The following PDS5B variants were observed in gnomAD, a reference collection of about 807,000 sequenced individuals.
PDS5B encodes sister chromatid cohesion protein PDS5 homolog B.
A neutral mutation model predicts 184.1 loss-of-function variants in PDS5B; 51 were observed. The ratio of observed to expected loss-of-function variants is 0.28; its 90% CI spans 0.22 to 0.35. PDS5B has a LOEUF of 0.35. Among genes scored for constraint, PDS5B ranks in the 10% least tolerant of loss-of-function variants. The probability of loss-of-function intolerance (pLI) is 1.00; values close to 1 mark genes in which losing one functional copy is unlikely to be tolerated. For synonymous variants in PDS5B, 566 were observed against 569.2 expected (o/e 0.99, Z 0.08); for missense variants, 1,180 against 1,723.3 (o/e 0.68, Z 5.58).
intron 3 of PDS5B, among the ~76,000 whole-genome samples, chr13:32,655,374 A>ATATATATATATATATATATATATATATTT: frequency 1.4e-5 from 1 of 72,466 alleles, no homozygotes; most frequent in African/African-American, 8.3e-5. Context: ...ATATATATAT[A>ATATATATATATATATATATATATATATTT]TTTTTTTTTT....
intron 1 of PDS5B, among the ~76,000 whole-genome samples, chr13:32,627,506 AT>A (rs1304843306): frequency 6.6e-6 from 1 of 152,000 alleles, no homozygotes; most frequent in African/African-American, 2.4e-5. Context: ...AAGTTTTTAA[AT>A]TTTTTTATGT....
At chr13:32,706,307 T>TAAAG (rs1162562764) in intron 17 of PDS5B, among the ~76,000 whole-genome samples, 2 of 149,492 alleles carry the variant, frequency 1.3e-5, no homozygotes, top group Non-Finnish European at 1.5e-5. Flanking sequence ...AATAAATAAA[T>TAAAG]AAATAAATAA....
chr13:32,746,172 A>G, intron 24 of PDS5B, 72 bp downstream of exon 24: 2 of 1,263,948 alleles, frequency 1.6e-6, no homozygotes, highest in Non-Finnish European at 2.2e-6. Context: ...ATCCACTGTG[A>G]TACATAGATT....
At chr13:32,757,249 T>G (rs949678643) in intron 26 of PDS5B, among the ~76,000 whole-genome samples, 1 of 152,202 alleles carries the variant, frequency 6.6e-6, no homozygotes, top group Non-Finnish European at 1.5e-5. Flanking sequence ...AAATAAAACA[T>G]CCTTTGGAAT....
chr13:32,623,354 G>A (rs2058327586), intron 1 of PDS5B, among the ~76,000 whole-genome samples: 1 of 152,148 alleles, frequency 6.6e-6, no homozygotes, highest in African/African-American at 2.4e-5. Flanking sequence ...ACTGGTTACT[G>A]TTTATCCTTA....
intron 1 of PDS5B, among the ~76,000 whole-genome samples, chr13:32,604,952 AT>A (rs1200798370): frequency 6.6e-6 from 1 of 151,122 alleles, no homozygotes; most frequent in Non-Finnish European, 1.5e-5. Flanking sequence ...CATCTATTTG[AT>A]TCTTCTCTCT....
In PDS5B at chr13:32,773,436, A is replaced by G. The variant is rs1013142763; in HGVS notation, c.4308+112A>G. On this transcript the variant is annotated intron_variant, in intron 34 of 34. Transcript: ENST00000315596. ...TTTATATGTTTTACTTCATTAGTTC[A>G]TAGCATCATTTTATCTACCAGGTTG... 43 of 933,876 alleles carry G rather than the reference A, an allele frequency of 4.6e-5. 1 individual carries two copies. In the South Asian group the frequency reaches 6.2e-4, roughly 14 times the overall value. 57.8% of individuals were successfully genotyped at this position (933,876 alleles called of 1,614,324 possible).
chr13:32,620,573 C>T (rs939159474), intron 1 of PDS5B, among the ~76,000 whole-genome samples: 2 of 150,328 alleles, frequency 1.3e-5, no homozygotes, highest in Admixed American at 6.7e-5. Context: ...GGGAGAATGG[C>T]GTGAACCCAG....
chr13:32,616,362 T>A (rs1431324620), intron 1 of PDS5B, among the ~76,000 whole-genome samples: 1 of 151,818 alleles, frequency 6.6e-6, no homozygotes, highest in Non-Finnish European at 1.5e-5. Context: ...GCCCCTCCCG[T>A]CTCTTTAAAA....
chr13:32,770,739 C>T lies in PDS5B; in HGVS notation c.4150C>T (p.Pro1384Ser), dbSNP rs761488170. 5.0e-6 allele frequency: 8 copies of T among 1,606,688 alleles called. No homozygotes were observed. The East Asian group carries it at 1.8e-4, about 37-fold the overall frequency. The change falls in exon 33 of 35, where the codon CCA becomes TCA. Residue 1384 changes from proline (P) to serine (S), a missense_variant. Pro to Ser is a moderately conservative substitution (Grantham distance 74). Coordinates refer to ENST00000315596, the MANE Select transcript of PDS5B (RefSeq NM_015032.4). ...GRGRPSKTPSPSQPKKNVRVG... is the reference protein window; with the variant it reads ...GRGRPSKTPSSSQPKKNVRVG... ...AGGAAGACCATCAAAAACGCCATCA[C>T]CATCACAACCAAAAAAAAATGTGTA...
At chr13:32,733,985 A>AAAACACAC (rs1555312861) in intron 20 of PDS5B, among the ~76,000 whole-genome samples, 1 of 141,972 alleles carries the variant, frequency 7.0e-6, no homozygotes, top group African/African-American at 2.8e-5. Context: ...CAAAAATTAA[A>AAAACACAC]ACACACACAC....
At chr13:32,721,343 C>T (rs192427914) in intron 19 of PDS5B, among the ~76,000 whole-genome samples, 3,288 of 150,142 alleles carry the variant, frequency 0.022, 88 homozygotes, top group African/African-American at 0.07. Context: ...GGCTGCCGGG[C>T]GAGGGCTCCC....
intron 1 of PDS5B, among the ~76,000 whole-genome samples, chr13:32,604,503 A>C (rs1340655000): frequency 6.6e-6 from 1 of 152,200 alleles, no homozygotes; most frequent in Non-Finnish European, 1.5e-5. Context: ...TTTTGCATCG[A>C]TGTTCATCAG....
intron 1 of PDS5B, among the ~76,000 whole-genome samples, chr13:32,593,205 A>C (rs1235066784): frequency 6.6e-6 from 1 of 152,216 alleles, no homozygotes; most frequent in Non-Finnish European, 1.5e-5. Flanking sequence ...GCTAGATAGG[A>C]AGAATAAGTT....
chr13:32,685,006 G>A (rs74939387), intron 11 of PDS5B, among the ~76,000 whole-genome samples: 10 of 152,146 alleles, frequency 6.6e-5, no homozygotes, highest in Non-Finnish European at 1.2e-4. Context: ...CCAGCTACTC[G>A]GGAGGCTGAG....
intron 18 of PDS5B, among the ~76,000 whole-genome samples, chr13:32,709,008 A>ACC: frequency 6.6e-6 from 1 of 152,076 alleles, no homozygotes; most frequent in East Asian, 1.9e-4. Flanking sequence ...ACATCCCCTT[A>ACC]CCAGGTATCA....
At chr13:32,625,369 G>A (rs1274086784) in intron 1 of PDS5B, among the ~76,000 whole-genome samples, 1 of 152,090 alleles carries the variant, frequency 6.6e-6, no homozygotes, top group South Asian at 2.1e-4. Context: ...GCTCCACCAT[G>A]CCTGGCTAAC....
chr13:32,698,757 C>T (rs894211850), intron 15 of PDS5B, among the ~76,000 whole-genome samples: 1 of 151,302 alleles, frequency 6.6e-6, no homozygotes, highest in African/African-American at 2.4e-5. Context: ...ACAGAGTTCT[C>T]TCTTTTTTTT....
At chr13:32,594,419 A>G (rs1265052170) in intron 1 of PDS5B, among the ~76,000 whole-genome samples, 1 of 152,240 alleles carries the variant, frequency 6.6e-6, no homozygotes, top group East Asian at 1.9e-4. Context: ...TACTCAATCA[A>G]GAGATGTATA....
Sources: gnomAD v4.1 joint callset for allele counts (sites outside exome capture counted in the v4.1 genomes callset) on GRCh38, gnomAD v4.1.1 for gene constraint, MANE v1.5 for transcripts, NCBI Gene and HGNC (gene_info 2026-07-23, HGNC 2026-07-21) for gene names.